Variants in DAB1 observed in about 807,000 individuals in gnomAD.
DAB1 encodes DAB adaptor protein 1.
A neutral mutation model predicts 64.6 loss-of-function variants in DAB1; 15 were observed. That is an observed-to-expected ratio of 0.23 (90% confidence interval 0.16 to 0.36). The LOEUF is 0.36. DAB1 is among the 10% of genes least tolerant of loss of function. DAB1 has a pLI of 1.00. For synonymous variants in DAB1, 235 were observed against 251.9 expected (o/e 0.93, Z 0.64); for missense variants, 596 against 706.7 (o/e 0.84, Z 1.78).
At chr1:58,400,723 G>A (rs1022482660) in intron 3 of DAB1, among the ~76,000 whole-genome samples, 1 of 152,128 alleles carries the variant, frequency 6.6e-6, no homozygotes, top group African/African-American at 2.4e-5. Context: ...AAATGATAGT[G>A]TGGGCATAAC....
intron 2 of DAB1, among the ~76,000 whole-genome samples, chr1:57,277,622 A>G (rs1364734350): frequency 6.6e-6 from 1 of 152,212 alleles, no homozygotes; most frequent in South Asian, 2.1e-4. Context: ...TCAGAATGAC[A>G]TTCAATGTCT....
chr1:57,292,858 T>C (rs776204420), intron 1 of DAB1, among the ~76,000 whole-genome samples: 2 of 152,032 alleles, frequency 1.3e-5, no homozygotes, highest in Non-Finnish European at 2.9e-5. Flanking sequence ...CTAAAACAGG[T>C]ATAAATACCA....
At chr1:57,918,492 C>T (rs536058421) in intron 5 of DAB1, among the ~76,000 whole-genome samples, 7 of 152,212 alleles carry the variant, frequency 4.6e-5, no homozygotes, top group South Asian at 2.1e-4. Flanking sequence ...CTAATCCAGT[C>T]GTGCCATAGT....
At chr1:57,553,378 A>AAGGAAG (rs1644937511) in intron 7 of DAB1, among the ~76,000 whole-genome samples, 1 of 5,684 alleles carries the variant, frequency 1.8e-4, no homozygotes, top group African/African-American at 2.0e-4. Flanking sequence ...GGAAGGAAGG[A>AAGGAAG]AGAAAGAGAA....
intron 3 of DAB1, among the ~76,000 whole-genome samples, chr1:58,460,486 C>G (rs1645233655): frequency 6.6e-6 from 1 of 152,192 alleles, no homozygotes; most frequent in African/African-American, 2.4e-5. Flanking sequence ...GCCAGAACAT[C>G]TGTCCTGAAT....
intron 4 of DAB1, among the ~76,000 whole-genome samples, chr1:57,093,982 G>A (rs541128994): frequency 3.9e-5 from 6 of 151,932 alleles, no homozygotes; most frequent in South Asian, 2.1e-4. Context: ...TGGTGTGCAC[G>A]CCTGTAATAC....
intron 6 of DAB1, among the ~76,000 whole-genome samples, chr1:57,755,172 T>C (rs1426170295): frequency 6.6e-6 from 1 of 152,154 alleles, no homozygotes; most frequent in Non-Finnish European, 1.5e-5. Context: ...TTCTTGGCCG[T>C]TTCCTGTTGC....
intron 3 of DAB1, among the ~76,000 whole-genome samples, chr1:58,426,707 T>C (rs1000571622): frequency 1.2e-4 from 18 of 151,578 alleles, no homozygotes; most frequent in African/African-American, 4.3e-4. Context: ...CTTGTATTCC[T>C]GCAGTGAGCA....
At chr1:58,491,388 T>C (rs1645686028) in intron 3 of DAB1, among the ~76,000 whole-genome samples, 2 of 152,132 alleles carry the variant, frequency 1.3e-5, no homozygotes, top group African/African-American at 4.8e-5. Context: ...AACATCATAA[T>C]GACAGGATCA....
At chr1:57,738,283 G>A (rs1250791866) in intron 6 of DAB1, among the ~76,000 whole-genome samples, 1 of 152,188 alleles carries the variant, frequency 6.6e-6, no homozygotes, top group Non-Finnish European at 1.5e-5. Context: ...ATTGAAAACT[G>A]TGCAAACCTA....
intron 4 of DAB1, among the ~76,000 whole-genome samples, chr1:58,197,361 C>G (rs1657738319): frequency 6.6e-6 from 1 of 151,558 alleles, no homozygotes; most frequent in Non-Finnish European, 1.5e-5. Flanking sequence ...TCCATTTTCT[C>G]TTTATGGTAT....
At chr1:57,676,463 G>C (rs1398847306) in intron 6 of DAB1, among the ~76,000 whole-genome samples, 1 of 152,102 alleles carries the variant, frequency 6.6e-6, no homozygotes, top group Non-Finnish European at 1.5e-5. Context: ...ATATACCAAG[G>C]CATGCAGCAA....
At chr1:57,704,020 A>G (rs1333234610) in intron 6 of DAB1, among the ~76,000 whole-genome samples, 1 of 152,168 alleles carries the variant, frequency 6.6e-6, no homozygotes, top group Non-Finnish European at 1.5e-5. Flanking sequence ...GGAACAACAC[A>G]CACGGTGGCC....
At chr1:57,541,616 G>A (rs1186195489) in intron 7 of DAB1, among the ~76,000 whole-genome samples, 1 of 152,040 alleles carries the variant, frequency 6.6e-6, no homozygotes, top group Admixed American at 6.6e-5. Flanking sequence ...CTTAATTTTT[G>A]AATATAAGCA....
intron 3 of DAB1, among the ~76,000 whole-genome samples, chr1:58,420,180 T>A (rs186895083): frequency 1.3e-5 from 2 of 152,352 alleles, no homozygotes; most frequent in African/African-American, 4.8e-5. Flanking sequence ...TTGTTGTTGT[T>A]GTTAAAAGAA....
chr1:58,298,370 C>T (rs1355152326), intron 4 of DAB1, among the ~76,000 whole-genome samples: 1 of 152,166 alleles, frequency 6.6e-6, no homozygotes, highest in Non-Finnish European at 1.5e-5. Context: ...CCCACCTTTG[C>T]TCATTTATCT....
At chr1:57,736,835 A>T (rs1028282283) in intron 6 of DAB1, among the ~76,000 whole-genome samples, 2 of 152,136 alleles carry the variant, frequency 1.3e-5, no homozygotes, top group African/African-American at 4.8e-5. Flanking sequence ...CGTGCAAACA[A>T]CACTGCTAGA....
chr1:58,081,156 A>G (rs1002591276), intron 5 of DAB1, among the ~76,000 whole-genome samples: 2 of 152,216 alleles, frequency 1.3e-5, no homozygotes, highest in African/African-American at 4.8e-5. Context: ...AGAAAATAGC[A>G]CTGAACCAGG....
chr1:57,180,171 G>C (rs975892937), intron 2 of DAB1, among the ~76,000 whole-genome samples: 4 of 152,192 alleles, frequency 2.6e-5, no homozygotes, highest in Admixed American at 2.0e-4. Context: ...CCTTAGGTGA[G>C]AGGACACAGA....
Sources: gnomAD v4.1 joint callset for allele counts (sites outside exome capture counted in the v4.1 genomes callset) on GRCh38, gnomAD v4.1.1 for gene constraint, MANE v1.5 for transcripts, NCBI Gene and HGNC (gene_info 2026-07-23, HGNC 2026-07-21) for gene names.